Variants in TULP4 observed in about 807,000 individuals in gnomAD.
TULP4 encodes the protein TUB like protein 4.
Under a neutral mutation model 129.0 loss-of-function variants are expected in TULP4, and 16 were observed. The observed-to-expected ratio is 0.12, with a 90% CI of 0.08 to 0.19. The LOEUF is 0.19. Among genes scored for constraint, TULP4 ranks in the 10% least tolerant of loss-of-function variants. The pLI, the probability that TULP4 is intolerant of heterozygous loss-of-function variation, is 1.00. For synonymous variants in TULP4, 998 were observed against 854.0 expected, an observed-to-expected ratio of 1.17 and a Z score of -2.94; for missense variants, 1,842 against 2,059.1, an observed-to-expected ratio of 0.89 and a Z score of 2.04.
chr6:158,501,449 G>A (rs979921569), intron 12 of TULP4, among the ~76,000 whole-genome samples: 2 of 152,298 alleles, frequency 1.3e-5, no homozygotes, highest in Admixed American at 6.5e-5. Context: ...TGAGTTAGTC[G>A]AAAAGTTCTG....
At chr6:158,245,348 A>G (rs531521140) in intron 1 of TULP4, among the ~76,000 whole-genome samples, 2 of 151,950 alleles carry the variant, frequency 1.3e-5, no homozygotes, top group South Asian at 4.2e-4. Context: ...AGTTTAATAT[A>G]AAGTATCATG....
upstream of TULP4, among the ~76,000 whole-genome samples, chr6:158,277,294 A>G (rs987053928): frequency 1.8e-4 from 28 of 152,278 alleles, no homozygotes; most frequent in African/African-American, 6.3e-4. Flanking sequence ...GTCATCTTTA[A>G]TGACCTCTCA....
At chr6:158,409,584 G>T (rs1778047397) in intron 1 of TULP4, among the ~76,000 whole-genome samples, 1 of 152,168 alleles carries the variant, frequency 6.6e-6, no homozygotes, top group Admixed American at 6.5e-5. Flanking sequence ...ATTCTGGTGT[G>T]TCCTAACATT....
chr6:158,235,980 A>T (rs1445481682), intron 1 of TULP4, among the ~76,000 whole-genome samples: 1 of 152,234 alleles, frequency 6.6e-6, no homozygotes, highest in Non-Finnish European at 1.5e-5. Context: ...GCTGGGTCCT[A>T]TCACTTCCCT....
chr6:158,473,513 G>T (rs185093271), intron 6 of TULP4, among the ~76,000 whole-genome samples: 2 of 152,298 alleles, frequency 1.3e-5, no homozygotes, highest in East Asian at 3.9e-4. Flanking sequence ...CACCAACTTG[G>T]TCTGTTTTTG....
At chr6:158,403,862 T>A (rs190949418) in intron 1 of TULP4, among the ~76,000 whole-genome samples, 2 of 152,356 alleles carry the variant, frequency 1.3e-5, no homozygotes, top group Admixed American at 1.3e-4. Context: ...TGTGTGCGTG[T>A]GTGGCGTCTT....
chr6:158,458,191 T>G (rs1779337435), intron 5 of TULP4, among the ~76,000 whole-genome samples: 3 of 152,218 alleles, frequency 2.0e-5, no homozygotes, highest in Non-Finnish European at 2.9e-5. Context: ...CTGCCTCTTT[T>G]TGACCCAGTA....
chr6:158,276,216 C>T (rs1292505194), intron 1 of TULP4, among the ~76,000 whole-genome samples: 1 of 152,048 alleles, frequency 6.6e-6, no homozygotes. Flanking sequence ...ATGATCTGCC[C>T]ACCTTGGCCT....
intron 5 of TULP4, among the ~76,000 whole-genome samples, chr6:158,454,141 A>G (rs1779238852): frequency 6.6e-6 from 1 of 151,886 alleles, no homozygotes; most frequent in Admixed American, 6.6e-5. Context: ...GGAATTACTT[A>G]GGCTGTAAAG....
chr6:158,421,240 T>G (rs1778331407), intron 2 of TULP4, among the ~76,000 whole-genome samples: 1 of 151,976 alleles, frequency 6.6e-6, no homozygotes, highest in Non-Finnish European at 1.5e-5. Context: ...CACGCGCCTG[T>G]AGTCCCAGCT....
At chr6:158,448,900 T>C (rs1779107460) in intron 3 of TULP4, 96 bp from the exon 4 acceptor site, 2 of 1,285,510 alleles carry the variant, frequency 1.6e-6, no homozygotes, top group Non-Finnish European at 2.1e-6. Flanking sequence ...TAGTTCTAAA[T>C]GTATATTGTC....
chr6:158,336,777 A>G (rs1780044518), intron 1 of TULP4, among the ~76,000 whole-genome samples: 1 of 152,218 alleles, frequency 6.6e-6, no homozygotes, highest in Non-Finnish European at 1.5e-5. Context: ...AAATGGGAAT[A>G]TAAGTCATTT....
At chr6:158,349,123 CTT>C (rs1780410880) in intron 1 of TULP4, among the ~76,000 whole-genome samples, 1 of 142,306 alleles carries the variant, frequency 7.0e-6, no homozygotes. Flanking sequence ...GCGCTCCTCA[CTT>C]CCCAGATGGG....
chr6:158,243,597 T>G (rs1312061186), intron 1 of TULP4, among the ~76,000 whole-genome samples: 2 of 152,174 alleles, frequency 1.3e-5, no homozygotes, highest in Non-Finnish European at 2.9e-5. Flanking sequence ...AATTTTATTC[T>G]TTGCATCCTT....
At chr6:158,396,857 G>T (rs536363371) in intron 1 of TULP4, among the ~76,000 whole-genome samples, 1 of 152,166 alleles carries the variant, frequency 6.6e-6, no homozygotes, top group Non-Finnish European at 1.5e-5. Context: ...TCTGGCACTC[G>T]GAATCCCGAG....
chr6:158,246,023 GGTGTGTGTGTGTGTGTGTGT>G (rs66690741), intron 1 of TULP4, among the ~76,000 whole-genome samples: 21 of 145,820 alleles, frequency 1.4e-4, no homozygotes, highest in Non-Finnish European at 2.3e-4. Context: ...ACCCCTTAGG[GGTGTGTGTGTGTGTGTGTGT>G]GTGTGTGTGT....
At chr6:158,301,167 GA>G (rs1296060331) in intron 1 of TULP4, among the ~76,000 whole-genome samples, 1 of 152,204 alleles carries the variant, frequency 6.6e-6, no homozygotes, top group African/African-American at 2.4e-5. Context: ...AGCAGAATCA[GA>G]GACAATATTT....
chr6:158,232,674 T>G (rs1239715701), intron 1 of TULP4, among the ~76,000 whole-genome samples: 1 of 152,000 alleles, frequency 6.6e-6, no homozygotes, highest in Non-Finnish European at 1.5e-5. Context: ...TTTTTTTTCT[T>G]AATTGTGGAG....
chr6:158,382,764 A>G (rs1300165007), intron 1 of TULP4, among the ~76,000 whole-genome samples: 4 of 152,176 alleles, frequency 2.6e-5, no homozygotes, highest in Non-Finnish European at 5.9e-5. Context: ...GAGAAATGGT[A>G]ATTTCCTGTC....
Sources: allele counts gnomAD v4.1 joint callset (sites outside exome capture counted in the v4.1 genomes callset), GRCh38; gene constraint gnomAD v4.1.1; transcripts MANE v1.5; gene names NCBI Gene and HGNC (gene_info 2026-07-23, HGNC 2026-07-21).